The following ABCA13 variants were observed in gnomAD, a reference collection of about 807,000 sequenced individuals.
ABCA13 encodes the protein ATP-binding cassette sub-family A member 13.
Under a neutral mutation model 478.7 loss-of-function variants are expected in ABCA13, and 476 were observed. The ratio of observed to expected loss-of-function variants is 0.99; its 90% CI spans 0.92 to 1.07. The LOEUF (loss-of-function observed/expected upper bound fraction) is 1.07. Among genes scored for constraint, ABCA13 ranks in the 50% least tolerant of loss-of-function variants. The pLI, the probability that ABCA13 is intolerant of heterozygous loss-of-function variation, is 0.00. For missense variants in ABCA13, 6,060 were observed against 5,910.6 expected, an observed-to-expected ratio of 1.03 and a Z score of -0.83; for synonymous variants, 2,252 against 2,158.9, an observed-to-expected ratio of 1.04 and a Z score of -1.20.
At chr7:48,429,523 G>T (rs1323724022) in intron 42 of ABCA13, among the ~76,000 whole-genome samples, 33 of 152,288 alleles carry the variant, frequency 2.2e-4, no homozygotes, top group African/African-American at 2.4e-5. Context: ...CATTTCACTG[G>T]TGGCTAATGA....
chr7:48,429,485 G>A (rs926395801), intron 42 of ABCA13, among the ~76,000 whole-genome samples: 2 of 152,180 alleles, frequency 1.3e-5, no homozygotes, highest in Non-Finnish European at 1.5e-5. Context: ...ACACACCTTA[G>A]TGTGTATCTC....
Position 48,557,930 on chromosome 7 carries a change from C to G in ABCA13, c.14355-22294C>G, listed in dbSNP as rs117284545. On this transcript the variant is annotated intron_variant, in intron 55 of 61. Transcript: ENST00000435803. ...TTCCTCCACTTTAAGGTCAATAACT[C>G]TTAGATTTGCCCTTTCGAGGCTATT... is the stretch of plus-strand genomic sequence containing the variant. 2.2e-3 allele frequency among the ~76,000 whole-genome samples: 337 copies of G among 152,216 alleles called. 1 individual carries two copies. The highest frequency in any genetic ancestry group is 3.9e-3 in the Non-Finnish European group (265 of 68,006).
intron 31 of ABCA13, among the ~76,000 whole-genome samples, chr7:48,362,383 C>CCCT (rs995135717): frequency 6.9e-6 from 1 of 145,956 alleles, no homozygotes; most frequent in Non-Finnish European, 1.5e-5. Context: ...TGCTTTTTTT[C>CCCT]CCTTCTCTTC....
chr7:48,340,932 C>G (rs1408218014), intron 29 of ABCA13, among the ~76,000 whole-genome samples: 1 of 152,140 alleles, frequency 6.6e-6, no homozygotes, highest in African/African-American at 2.4e-5. Flanking sequence ...CCTTATATTT[C>G]TAACTGATAC....
At chr7:48,421,471 G>C (rs1056082228) in intron 41 of ABCA13, among the ~76,000 whole-genome samples, 3 of 152,160 alleles carry the variant, frequency 2.0e-5, no homozygotes, top group African/African-American at 7.2e-5. Flanking sequence ...ATTCAGTAGG[G>C]TCATTATTTA....
At chr7:48,322,050 C>T (rs919837712) in intron 27 of ABCA13, among the ~76,000 whole-genome samples, 2 of 152,196 alleles carry the variant, frequency 1.3e-5, no homozygotes, top group Non-Finnish European at 2.9e-5. Context: ...TCTCTCTTCA[C>T]CATCCCCAGT....
chr7:48,180,942 A>AAACC lies in ABCA13; in HGVS notation c.69+9393_69+9394insCAAC. ...AAATGAAACAAACAAACAAACAAAC[A>AAACC]AACAAAACCTACCAACAACAAAACA... On this transcript the variant is annotated intron_variant, in intron 1 of 61. Coordinates refer to ENST00000435803, the MANE Select transcript of ABCA13 (RefSeq NM_152701.5). 2.0e-5 allele frequency among the ~76,000 whole-genome samples: 3 copies of AAACC among 149,936 alleles called. No individual in the cohort carries two copies. In the South Asian group the frequency reaches 6.5e-4, roughly 32 times the overall value.
intron 35 of ABCA13, among the ~76,000 whole-genome samples, chr7:48,384,875 T>C (rs1308758969): frequency 6.6e-6 from 1 of 152,224 alleles, no homozygotes; most frequent in Non-Finnish European, 1.5e-5. Context: ...CAGATGGCAT[T>C]GTCTCCTTGT....
At chr7:48,525,283 A>G (rs1253283990) in intron 54 of ABCA13, among the ~76,000 whole-genome samples, 1 of 152,136 alleles carries the variant, frequency 6.6e-6, no homozygotes, top group Non-Finnish European at 1.5e-5. Context: ...CTTCTGCTCT[A>G]AGACTGGCTA....
chr7:48,339,838 A>G (rs1806852602), intron 29 of ABCA13, among the ~76,000 whole-genome samples: 1 of 152,164 alleles, frequency 6.6e-6, no homozygotes, highest in Non-Finnish European at 1.5e-5. Context: ...GGGAGCAGGC[A>G]CAGAGTGGGG....
At chr7:48,256,322 TTTG>T (rs1424928049) in intron 15 of ABCA13, among the ~76,000 whole-genome samples, 11 of 152,238 alleles carry the variant, frequency 7.2e-5, no homozygotes, top group African/African-American at 2.2e-4. Context: ...TTGTCGATTT[TTTG>T]TTGTTGTTGC....
intron 29 of ABCA13, among the ~76,000 whole-genome samples, chr7:48,343,234 A>G (rs1478334503): frequency 6.6e-6 from 1 of 152,160 alleles, no homozygotes; most frequent in Non-Finnish European, 1.5e-5. Context: ...TCCTCTAGAT[A>G]ATGTTATTTT....
chr7:48,594,821 C>T lies in ABCA13; in HGVS notation c.14744+8C>T, dbSNP rs948294671. ...GGTGCTGACCTCCCACAGGTGAGTT[C>T]CAGTTTCTCTTGTAGCCATTTCCTG... On this transcript the variant is annotated splice_region_variant and intron_variant, in intron 58 of 61. Coordinates refer to ENST00000435803, the MANE Select transcript of ABCA13 (RefSeq NM_152701.5). 1 of 1,612,096 alleles carries T rather than the reference C, an allele frequency of 6.2e-7. No homozygotes were observed. The highest frequency in any genetic ancestry group is 1.1e-5 in the South Asian group (1 of 91,026).
At chr7:48,441,671 G>T (rs1387485138) in intron 42 of ABCA13, among the ~76,000 whole-genome samples, 1 of 152,262 alleles carries the variant, frequency 6.6e-6, no homozygotes, top group East Asian at 1.9e-4. Context: ...TTTATTAGCT[G>T]CCTGAAGTGG....
chr7:48,643,245 T>C, intron 59 of ABCA13, 43 bp from the exon 60 acceptor site: 12 of 1,315,138 alleles, frequency 9.1e-6, no homozygotes, highest in Non-Finnish European at 1.3e-5. Context: ...TCATCTTAGG[T>C]CAATATGATA....
chr7:48,539,316 CTT>C (rs71552485), intron 55 of ABCA13, among the ~76,000 whole-genome samples: 3 of 145,240 alleles, frequency 2.1e-5, no homozygotes, highest in Admixed American at 1.4e-4. Context: ...GGTCTTTAGT[CTT>C]TTTTTTTTTG....
At chr7:48,471,437 A>G in intron 44 of ABCA13, 93 bp from the exon 45 acceptor site, 4 of 1,145,390 alleles carry the variant, frequency 3.5e-6, no homozygotes, top group Admixed American at 2.1e-5. Flanking sequence ...TATCTTGTGA[A>G]CTCTGTTCTA....
chr7:48,443,649 T>A, intron 42 of ABCA13, among the ~76,000 whole-genome samples: 1 of 152,188 alleles, frequency 6.6e-6, no homozygotes, highest in East Asian at 1.9e-4. Context: ...CTATAGTAGA[T>A]TCTTAGTAAC....
chr7:48,424,676 A>G (rs553256543), intron 41 of ABCA13, among the ~76,000 whole-genome samples: 54 of 152,336 alleles, frequency 3.5e-4, no homozygotes, highest in African/African-American at 1.3e-3. Flanking sequence ...GTTTTCTTTC[A>G]TTAAATCCCT....
Sources: gnomAD v4.1 joint callset for allele counts (sites outside exome capture counted in the v4.1 genomes callset) on GRCh38, gnomAD v4.1.1 for gene constraint, MANE v1.5 for transcripts, NCBI Gene and HGNC (gene_info 2026-07-23, HGNC 2026-07-21) for gene names.